Variants in GAS7 observed in about 807,000 individuals in gnomAD.
GAS7 encodes growth arrest-specific protein 7.
GAS7 carries 28 observed loss-of-function variants against 71.1 expected under a neutral mutation model. That is an observed-to-expected ratio of 0.39 (90% CI 0.29 to 0.54). GAS7 has a LOEUF of 0.54. Among genes scored for constraint, GAS7 ranks in the 20% least tolerant of loss-of-function variants. The pLI is 0.62. For missense variants in GAS7, 436 were observed against 627.8 expected, an observed-to-expected ratio of 0.69 and a Z score of 3.27; for synonymous variants, 258 against 245.8, an observed-to-expected ratio of 1.05 and a Z score of -0.46.
At chr17:10,011,937 T>G (rs2152191016) in intron 2 of GAS7, among the ~76,000 whole-genome samples, 1 of 146,684 alleles carries the variant, frequency 6.8e-6, no homozygotes. Context: ...ATTGCACCAT[T>G]GCACTCCAGC....
At chr17:10,110,588 C>T (rs1303810896) in intron 1 of GAS7, among the ~76,000 whole-genome samples, 2 of 152,178 alleles carry the variant, frequency 1.3e-5, no homozygotes, top group South Asian at 2.1e-4. Context: ...GTCTAAGCCT[C>T]AGCCTCCCAA....
rs140404895 is a variant in GAS7, at chr17:10,081,050, A to G, written c.184-61153T>C. ...AAGAGTACAATTGGGCTCTTGCCTT[A>G]TAACAAACAATAAAAGGAAATTACA... On this transcript the variant is annotated intron_variant, in intron 1 of 13. Transcript: ENST00000432992. Among the ~76,000 whole-genome samples the G allele has an allele frequency of 3.9e-5, 6 of 152,396 alleles. No individual in the cohort carries two copies. The East Asian group carries it at 1.2e-3, about 29-fold the overall frequency.
At chr17:10,145,555 GC>G (rs2074115086) in intron 1 of GAS7, among the ~76,000 whole-genome samples, 2 of 152,318 alleles carry the variant, frequency 1.3e-5, no homozygotes, top group Admixed American at 6.5e-5. Context: ...CAGCACTCAG[GC>G]CCCCCAGGAC....
chr17:10,088,465 G>T (rs1163761954), intron 1 of GAS7, among the ~76,000 whole-genome samples: 1 of 151,964 alleles, frequency 6.6e-6, no homozygotes, highest in Non-Finnish European at 1.5e-5. Flanking sequence ...AGGAAAAGGG[G>T]ACTCGAGCAT....
intron 1 of GAS7, among the ~76,000 whole-genome samples, chr17:10,113,081 C>T (rs7225744): frequency 0.57 from 85,805 of 151,808 alleles, 24,543 homozygotes; most frequent in Admixed American, 0.61. Context: ...CACTCACTGC[C>T]TGCATGGGAG....
At chr17:10,122,485 G>C (rs11652852) in intron 1 of GAS7, among the ~76,000 whole-genome samples, 3 of 151,994 alleles carry the variant, frequency 2.0e-5, no homozygotes, top group African/African-American at 7.2e-5. Flanking sequence ...CCTGGGACCC[G>C]ACTCAACAAC....
chr17:10,152,957 G>C (rs1473251882), intron 1 of GAS7, among the ~76,000 whole-genome samples: 1 of 151,454 alleles, frequency 6.6e-6, no homozygotes, highest in Non-Finnish European at 1.5e-5. Context: ...CCAGCACTTT[G>C]GGAGGCGGGT....
intron 1 of GAS7, among the ~76,000 whole-genome samples, chr17:10,083,247 G>T (rs928882439): frequency 6.6e-6 from 1 of 152,212 alleles, no homozygotes; most frequent in Non-Finnish European, 1.5e-5. Flanking sequence ...CAGACTTTAG[G>T]CCAGGTGTGA....
At chr17:10,196,196 T>C (rs559646338) in intron 1 of GAS7, among the ~76,000 whole-genome samples, 17 of 152,258 alleles carry the variant, frequency 1.1e-4, no homozygotes, top group African/African-American at 3.8e-4. Context: ...CGGGCTATCA[T>C]GTTTAAAAAA....
At chr17:9,918,200 C>T (rs1323028639) in intron 12 of GAS7, 101 bp from the exon 13 acceptor site, 3 of 741,008 alleles carry the variant, frequency 4.0e-6, no homozygotes, top group Non-Finnish European at 6.9e-6. Context: ...TGTGGACATT[C>T]TGTCCCATCT....
intron 1 of GAS7, among the ~76,000 whole-genome samples, chr17:10,087,190 G>A (rs958567962): frequency 3.3e-5 from 5 of 152,048 alleles, no homozygotes; most frequent in East Asian, 3.9e-4. Context: ...GCCTGAGCTC[G>A]CCGGGAGAGC....
At chr17:9,977,288 T>C (rs569158540) in intron 3 of GAS7, among the ~76,000 whole-genome samples, 17 of 152,314 alleles carry the variant, frequency 1.1e-4, no homozygotes, top group African/African-American at 3.4e-4. Flanking sequence ...GGCTACCATA[T>C]TGGAAGGCAC....
At chr17:9,985,047 C>G (rs7219236) in intron 2 of GAS7, among the ~76,000 whole-genome samples, 46,209 of 152,016 alleles carry the variant, frequency 0.3, 7,301 homozygotes, top group African/African-American at 0.36. Context: ...CCTGGACAAC[C>G]AGGGACAGGG....
intron 1 of GAS7, among the ~76,000 whole-genome samples, chr17:10,145,438 G>A (rs767253461): frequency 6.6e-6 from 1 of 152,210 alleles, no homozygotes; most frequent in Non-Finnish European, 1.5e-5. Flanking sequence ...GGCGCTCACT[G>A]TCAGAAAAGT....
At chr17:9,934,020 A>C (rs1478363882) in intron 9 of GAS7, 146 bp downstream of exon 9, 1 of 662,636 alleles carries the variant, frequency 1.5e-6, no homozygotes, top group Non-Finnish European at 2.8e-6. Flanking sequence ...ATCTCTTCCC[A>C]ACTCCGTATT....
rs761064462 is a variant in GAS7, at chr17:10,019,763, C to G, written c.304+14G>C. The G allele has an allele frequency of 5.0e-6, 8 of 1,609,250 alleles. No individual in the cohort carries two copies. In the East Asian group the frequency reaches 1.6e-4, roughly 31 times the overall value. On this transcript the variant is annotated intron_variant, in intron 2 of 13. Coordinates refer to ENST00000432992, the MANE Select transcript of GAS7 (RefSeq NM_201433.2). ...AGGGGGTTGGTGCAGGATTCTCCCC[C>G]GAGCGGGACTCACCATTGGTGGTCG...
chr17:10,104,051 C>T (rs1232705628), intron 1 of GAS7, among the ~76,000 whole-genome samples: 1 of 152,168 alleles, frequency 6.6e-6, no homozygotes, highest in Admixed American at 6.5e-5. Context: ...TAAATATATC[C>T]TTTGACCCCA....
chr17:10,004,326 C>T (rs2071384669), intron 2 of GAS7, among the ~76,000 whole-genome samples: 1 of 152,096 alleles, frequency 6.6e-6, no homozygotes, highest in African/African-American at 2.4e-5. Context: ...TGGTCCTTGC[C>T]CACTCACTTA....
chr17:10,023,017 C>T (rs1567550284), intron 1 of GAS7, among the ~76,000 whole-genome samples: 1 of 152,208 alleles, frequency 6.6e-6, no homozygotes, highest in Non-Finnish European at 1.5e-5. Context: ...GATGCCGTCC[C>T]TTCTCCGCAA....
Sources: gnomAD v4.1 joint callset for allele counts (sites outside exome capture counted in the v4.1 genomes callset) on GRCh38, gnomAD v4.1.1 for gene constraint, MANE v1.5 for transcripts, NCBI Gene and HGNC (gene_info 2026-07-23, HGNC 2026-07-21) for gene names.